The following KDM4C variants were observed in gnomAD, a reference collection of about 807,000 sequenced individuals.
KDM4C encodes lysine-specific demethylase 4C.
Under a neutral mutation model 129.3 loss-of-function variants are expected in KDM4C, and 81 were observed. The ratio of observed to expected loss-of-function variants is 0.63; its 90% CI spans 0.52 to 0.75. The LOEUF is 0.75. Ranked by LOEUF, KDM4C falls within the 30% of genes least tolerant of loss-of-function variation. The pLI is 0.00. For synonymous variants in KDM4C, 573 were observed against 456.1 expected, an observed-to-expected ratio of 1.26 and a Z score of -3.26; for missense variants, 1,457 against 1,304.0, an observed-to-expected ratio of 1.12 and a Z score of -1.81.
Position 7,103,668 on chromosome 9 carries a change from C to A in KDM4C, c.2425-17C>A. 1 of 1,585,074 alleles carries A rather than the reference C, an allele frequency of 6.3e-7. No individual in the cohort carries two copies. Among genetic ancestry groups the A allele is most frequent in the Non-Finnish European group, 8.6e-7 (1 of 1,161,162 alleles). ...ACAGAATGTGAATTGATGTTCTTCTCTGTTTTAACCTTCCAGAAATGCATC... is the reference window on the plus strand; with the variant it reads ...ACAGAATGTGAATTGATGTTCTTCTATGTTTTAACCTTCCAGAAATGCATC... On this transcript the variant is annotated splice_polypyrimidine_tract_variant and intron_variant, in intron 17 of 21. Coordinates refer to ENST00000381309, the MANE Select transcript of KDM4C (RefSeq NM_015061.6).
At chr9:6,835,120 G>A (rs969017035) in intron 4 of KDM4C, 10 of 1,004,012 alleles carry the variant, frequency 1.0e-5, no homozygotes, top group African/African-American at 3.2e-5. Context: ...TCTGGCCTTC[G>A]AGCAGGAGAT....
chr9:6,969,526 A>C (rs1273267364), intron 8 of KDM4C, among the ~76,000 whole-genome samples: 2 of 152,202 alleles, frequency 1.3e-5, no homozygotes, highest in Non-Finnish European at 2.9e-5. Flanking sequence ...ATCCTTATAT[A>C]TACTGTTCCA....
At chr9:6,811,475 G>A (rs1055647458) in intron 3 of KDM4C, among the ~76,000 whole-genome samples, 23 of 152,058 alleles carry the variant, frequency 1.5e-4, no homozygotes, top group African/African-American at 3.9e-4. Flanking sequence ...TTGGTGCACC[G>A]TCTGTAATGT....
chr9:6,860,990 G>GT (rs1160641329), intron 5 of KDM4C, among the ~76,000 whole-genome samples: 3 of 152,152 alleles, frequency 2.0e-5, no homozygotes, highest in Non-Finnish European at 1.5e-5. Context: ...TATTAAAAAT[G>GT]TATGTTTGCT....
chr9:6,748,658 AC>A lies in KDM4C; in HGVS notation c.49+27662del, dbSNP rs541261098. The A allele has an allele frequency of 1.2e-4, 124 of 1,057,810 alleles. No individual in the cohort carries two copies. In the African/African-American group the frequency reaches 1.5e-3, roughly 13 times the overall value. The allele number at this position is 1,057,810 out of a possible 1,614,324, so 65.5% of individuals were successfully genotyped here. A position where few individuals can be genotyped will look rare whatever the true frequency, so the allele number is the denominator to read the frequency against. On this transcript the variant is annotated intron_variant, in intron 1 of 17. Coordinates refer to the KDM4C transcript ENST00000536108. ...CATATTGGACAAAGGACGTCTAAAA[AC>A]AAACTGTATCCTTCTCAACAATTTC... is the stretch of plus-strand genomic sequence containing the variant.
chr9:7,000,256 T>G (rs2132023826), intron 12 of KDM4C, among the ~76,000 whole-genome samples: 1 of 152,322 alleles, frequency 6.6e-6, no homozygotes, highest in East Asian at 1.9e-4. Context: ...ACCACCTCAC[T>G]TTTATTATGC....
chr9:7,169,371 C>G (rs1366092168), intron 20 of KDM4C, among the ~76,000 whole-genome samples: 2 of 152,162 alleles, frequency 1.3e-5, no homozygotes, highest in Non-Finnish European at 2.9e-5. Context: ...GAGTCTTACT[C>G]TGTCACCAGG....
chr9:7,087,200 G>T (rs996009153), intron 17 of KDM4C, among the ~76,000 whole-genome samples: 6 of 151,118 alleles, frequency 4.0e-5, no homozygotes, highest in African/African-American at 1.5e-4. Context: ...CTCAGAAAGA[G>T]TTCGCATATA....
At chr9:6,846,820 G>T (rs866957595) in intron 4 of KDM4C, among the ~76,000 whole-genome samples, 3 of 152,090 alleles carry the variant, frequency 2.0e-5, no homozygotes, top group African/African-American at 7.2e-5. Context: ...TATTATATCA[G>T]TTCTAATAAT....
In KDM4C at chr9:6,758,080, A is replaced by T. The variant is rs1044580810; in HGVS notation, c.-141A>T. 2 of 985,482 alleles carry T rather than the reference A, an allele frequency of 2.0e-6. No individual in the cohort carries two copies. The highest frequency in any genetic ancestry group is 3.5e-5 in the African/African-American group (2 of 57,358). 61.0% of individuals were successfully genotyped at this position (985,482 alleles called of 1,614,324 possible). Reference sequence around the variant, plus strand: ...CGGCCGGGGTCCTGTGCGCGTGCGCAGCGAACAGCTGTCACCTAGTGCGGA... The same window carrying T: ...CGGCCGGGGTCCTGTGCGCGTGCGCTGCGAACAGCTGTCACCTAGTGCGGA... On this transcript the variant is annotated 5_prime_UTR_variant, in exon 1 of 22. Transcript: ENST00000381309. The surrounding 1 kb of genome is among the most constrained non-coding windows in gnomAD (Gnocchi z 4.6).
intron 3 of KDM4C, among the ~76,000 whole-genome samples, chr9:6,811,459 C>T (rs1378912576): frequency 6.6e-6 from 1 of 152,126 alleles, no homozygotes; most frequent in African/African-American, 2.4e-5. Context: ...AGCACCTGAC[C>T]TGGCATTGGT....
chr9:7,079,947 G>A (rs1834345054), intron 17 of KDM4C, among the ~76,000 whole-genome samples: 1 of 151,978 alleles, frequency 6.6e-6, no homozygotes, highest in Non-Finnish European at 1.5e-5. Flanking sequence ...CAGAATAAAT[G>A]CATCACTCCC....
chr9:6,793,217 T>A, intron 2 of KDM4C, 85 bp downstream of exon 2: 1 of 1,465,322 alleles, frequency 6.8e-7, no homozygotes. Flanking sequence ...GGGACATTGT[T>A]TCTGAAGGAA....
At chr9:7,076,646 C>G in intron 17 of KDM4C, 2 of 1,315,242 alleles carry the variant, frequency 1.5e-6, no homozygotes, top group African/African-American at 1.5e-5. Context: ...TGGACTTTCC[C>G]TTTTGTATCT....
rs114551739 is a variant in KDM4C, at chr9:6,841,230, G to T, written c.436-8277G>T. On this transcript the variant is annotated intron_variant, in intron 4 of 21. Coordinates refer to ENST00000381309, the MANE Select transcript of KDM4C (RefSeq NM_015061.6). ...ATTTTTATTGGTCATTATTGGCCCA[G>T]TTTGGAGTTGGCTCTGTGGCACTGA... is the stretch of plus-strand genomic sequence containing the variant. Among the ~76,000 whole-genome samples, 968 of 152,044 alleles carry T rather than the reference G, an allele frequency of 6.4e-3. 14 individuals are homozygous for T. Among genetic ancestry groups the T allele is most frequent in the African/African-American group, 0.022 (910 of 41,528 alleles).
chr9:7,031,871 G>A (rs1022661470), intron 15 of KDM4C, among the ~76,000 whole-genome samples: 1 of 152,102 alleles, frequency 6.6e-6, no homozygotes, highest in Admixed American at 6.5e-5. Context: ...AACTATCTGA[G>A]GTGTAATGGT....
At chr9:6,730,894 G>C (rs570202878) in intron 1 of KDM4C, among the ~76,000 whole-genome samples, 1 of 152,182 alleles carries the variant, frequency 6.6e-6, no homozygotes, top group African/African-American at 2.4e-5. Flanking sequence ...CCAAGACTCA[G>C]CTCTTGTTAC....
At chr9:7,078,515 C>G (rs1834174946) in intron 17 of KDM4C, among the ~76,000 whole-genome samples, 1 of 151,606 alleles carries the variant, frequency 6.6e-6, no homozygotes. Context: ...CTTAATGGTT[C>G]TCTTCAACAT....
At chr9:6,919,224 T>TTTCTTTCTTTCTTTC in intron 8 of KDM4C, among the ~76,000 whole-genome samples, 1 of 57,896 alleles carries the variant, frequency 1.7e-5, no homozygotes, top group East Asian at 6.4e-4. Flanking sequence ...TTCTTTTTCC[T>TTTCTTTCTTTCTTTC]TCTTTCTTTC....
Sources: allele counts gnomAD v4.1 joint callset (sites outside exome capture counted in the v4.1 genomes callset), GRCh38; gene constraint gnomAD v4.1.1; non-coding constraint Gnocchi (gnomAD v3.1); transcripts MANE v1.5; gene names NCBI Gene and HGNC (gene_info 2026-07-23, HGNC 2026-07-21).